The following PDE4D variants were observed in gnomAD, a reference collection of about 807,000 sequenced individuals.
PDE4D encodes phosphodiesterase 4D, also known as 3',5'-cyclic-AMP phosphodiesterase 4D.
PDE4D carries 24 observed loss-of-function variants against 87.4 expected under a neutral mutation model. The observed-to-expected ratio is 0.27, with a 90% CI of 0.20 to 0.39. PDE4D has a LOEUF of 0.39. Among genes scored for constraint, PDE4D ranks in the 10% least tolerant of loss-of-function variants. PDE4D has a pLI of 1.00. For missense variants in PDE4D, 714 were observed against 1,041.0 expected, an observed-to-expected ratio of 0.69 and a Z score of 4.32; for synonymous variants, 384 against 383.2, an observed-to-expected ratio of 1.00 and a Z score of -0.02.
chr5:59,645,650 C>G (rs541716391), intron 1 of PDE4D, among the ~76,000 whole-genome samples: 1 of 152,150 alleles, frequency 6.6e-6, no homozygotes, highest in Non-Finnish European at 1.5e-5. Context: ...GCCCAGAGAT[C>G]ACTCCAAAAT....
intron 1 of PDE4D, among the ~76,000 whole-genome samples, chr5:59,572,456 T>C (rs6898386): frequency 2.7e-4 from 40 of 146,858 alleles, no homozygotes; most frequent in African/African-American, 1.0e-3. Flanking sequence ...TACACAGGTT[T>C]TTTGTTTTGT....
rs144212337 is a variant in PDE4D, at chr5:60,131,590, G to T, written c.42+53967C>A. 2.0e-5 allele frequency among the ~76,000 whole-genome samples: 3 copies of T among 152,280 alleles called. No homozygotes were observed. In the East Asian group the frequency reaches 5.8e-4, roughly 29 times the overall value. Reference sequence around the variant, plus strand: ...ATCCCAAACTAGTCTGATGAGATTTGCAAGGCCTAGTGGCCCCTATCTTGC... The same window carrying T: ...ATCCCAAACTAGTCTGATGAGATTTTCAAGGCCTAGTGGCCCCTATCTTGC... On this transcript the variant is annotated intron_variant, in intron 2 of 16. Coordinates refer to the PDE4D transcript ENST00000502484.
intron 1 of PDE4D, among the ~76,000 whole-genome samples, chr5:60,432,093 A>AGGAGAG (rs60718677): frequency 0.34 from 50,616 of 150,134 alleles, 9,591 homozygotes; most frequent in East Asian, 0.54. Flanking sequence ...CGTGGGGAGA[A>AGGAGAG]GGAGAGGGAG....
At chr5:59,993,003 C>A (rs572966950) in intron 2 of PDE4D, among the ~76,000 whole-genome samples, 1 of 152,176 alleles carries the variant, frequency 6.6e-6, no homozygotes, top group African/African-American at 2.4e-5. Context: ...AACTAATCAC[C>A]AGAGCAATAA....
intron 1 of PDE4D, among the ~76,000 whole-genome samples, chr5:59,612,757 A>G (rs1829167590): frequency 6.6e-6 from 1 of 152,088 alleles, no homozygotes; most frequent in Admixed American, 6.6e-5. Flanking sequence ...GAAAGAGGTG[A>G]GGAAAGAAAA....
At chr5:59,191,722 C>T (rs1163524175) in intron 3 of PDE4D, among the ~76,000 whole-genome samples, 1 of 152,080 alleles carries the variant, frequency 6.6e-6, no homozygotes, top group Non-Finnish European at 1.5e-5. Flanking sequence ...GCACCCGTCA[C>T]CATGCCTGGC....
intron 2 of PDE4D, among the ~76,000 whole-genome samples, chr5:60,077,379 C>T (rs568719667): frequency 7.2e-5 from 11 of 152,216 alleles, no homozygotes; most frequent in African/African-American, 1.7e-4. Context: ...GCATGGGGGA[C>T]GCTGCAGTTG....
intron 1 of PDE4D, among the ~76,000 whole-genome samples, chr5:59,808,064 G>A (rs530056405): frequency 7.9e-4 from 121 of 152,290 alleles, no homozygotes; most frequent in Middle Eastern, 3.4e-3. Context: ...ACAAAGTAGC[G>A]TTGAATAACT....
chr5:60,107,602 A>G (rs1015734680), intron 2 of PDE4D, among the ~76,000 whole-genome samples: 9 of 152,210 alleles, frequency 5.9e-5, no homozygotes, highest in African/African-American at 1.7e-4. Context: ...TGATGCAAAA[A>G]TCCTCAATAA....
At chr5:59,799,156 G>A (rs537719684) in intron 1 of PDE4D, among the ~76,000 whole-genome samples, 34 of 152,274 alleles carry the variant, frequency 2.2e-4, no homozygotes, top group Middle Eastern at 3.4e-3. Context: ...TCAGACAACC[G>A]AAAGTTCATA....
chr5:59,923,926 G>A (rs933341859), intron 3 of PDE4D, among the ~76,000 whole-genome samples: 1 of 152,194 alleles, frequency 6.6e-6, no homozygotes, highest in African/African-American at 2.4e-5. Context: ...ACAGAGATGT[G>A]TCCTCTCAAA....
chr5:59,318,516 G>C (rs1039758443), intron 1 of PDE4D, among the ~76,000 whole-genome samples: 1 of 152,032 alleles, frequency 6.6e-6, no homozygotes, highest in African/African-American at 2.4e-5. Flanking sequence ...ATATGCAATA[G>C]GGTTAAGTTG....
intron 1 of PDE4D, among the ~76,000 whole-genome samples, chr5:60,218,048 TG>T (rs1476786214): frequency 6.6e-6 from 1 of 152,044 alleles, no homozygotes; most frequent in African/African-American, 2.4e-5. Context: ...ACTCTAGCTA[TG>T]TCAACTAAAA....
chr5:60,047,400 C>T (rs961724130), intron 2 of PDE4D, among the ~76,000 whole-genome samples: 1 of 151,900 alleles, frequency 6.6e-6, no homozygotes, highest in African/African-American at 2.4e-5. Context: ...TATTTCTTGC[C>T]TTCTGCTAGC....
intron 3 of PDE4D, among the ~76,000 whole-genome samples, chr5:59,980,992 C>T (rs1367167256): frequency 6.6e-6 from 1 of 152,154 alleles, no homozygotes; most frequent in Admixed American, 6.5e-5. Flanking sequence ...TGGCTCACGC[C>T]TGTAGTCCCA....
At chr5:59,681,682 C>T (rs1580378280) in intron 1 of PDE4D, among the ~76,000 whole-genome samples, 1 of 151,912 alleles carries the variant, frequency 6.6e-6, no homozygotes, top group East Asian at 1.9e-4. Flanking sequence ...GGGTGGCTCA[C>T]GAGGTCAGCA....
chr5:60,409,173 G>A (rs773992143), intron 1 of PDE4D, among the ~76,000 whole-genome samples: 1 of 152,192 alleles, frequency 6.6e-6, no homozygotes, highest in Non-Finnish European at 1.5e-5. Context: ...TGGCTACTTC[G>A]GTTAGGGTGG....
At chr5:59,078,917 G>A (rs1031291530) in intron 5 of PDE4D, among the ~76,000 whole-genome samples, 3 of 152,074 alleles carry the variant, frequency 2.0e-5, no homozygotes, top group East Asian at 3.9e-4. Flanking sequence ...AGAGTGAGAC[G>A]TTTGGTCCCC....
chr5:60,376,054 T>C (rs2149995055), intron 1 of PDE4D, among the ~76,000 whole-genome samples: 1 of 152,290 alleles, frequency 6.6e-6, no homozygotes, highest in East Asian at 1.9e-4. Flanking sequence ...CGTATATATA[T>C]CTCCTGATTC....
Sources: gnomAD v4.1 joint callset for allele counts (sites outside exome capture counted in the v4.1 genomes callset) on GRCh38, gnomAD v4.1.1 for gene constraint, MANE v1.5 for transcripts, NCBI Gene and HGNC (gene_info 2026-07-23, HGNC 2026-07-21) for gene names.